The following PPP2R1A variants were observed in gnomAD, a reference collection of about 807,000 sequenced individuals.
PPP2R1A encodes the protein protein phosphatase 2 scaffold subunit Aalpha, also known as serine/threonine-protein phosphatase 2A 65 kDa regulatory subunit A alpha isoform.
PPP2R1A carries 15 observed loss-of-function variants against 67.1 expected under a neutral mutation model. The observed-to-expected ratio is 0.22, with a 90% CI of 0.15 to 0.34. The LOEUF (loss-of-function observed/expected upper bound fraction) is 0.34, where lower values mean the gene tolerates loss of function less well. Among genes scored for constraint, PPP2R1A ranks in the 10% least tolerant of loss-of-function variants. The pLI is 1.00. For synonymous variants in PPP2R1A, 337 were observed against 325.0 expected, an observed-to-expected ratio of 1.04 and a Z score of -0.40; for missense variants, 369 against 775.0, an observed-to-expected ratio of 0.48 and a Z score of 6.22.
rs1343324155 is a variant in PPP2R1A, at chr19:52,219,089, T to C, written c.1129-602T>C. ...TAAGTCTTTTTAAATGGGTGAGGTATAGTCTCTGAGCCTTCTCTTCTCATG... is the reference window on the plus strand; with the variant it reads ...TAAGTCTTTTTAAATGGGTGAGGTACAGTCTCTGAGCCTTCTCTTCTCATG... On this transcript the variant is annotated intron_variant, in intron 9 of 14. Transcript: ENST00000322088. This position sits in a 1 kb window ranked among gnomAD's most constrained non-coding sequence, Gnocchi z 4.0. Among the ~76,000 whole-genome samples the C allele has an allele frequency of 6.6e-6, 1 of 152,232 alleles. No individual in the cohort carries two copies. The highest frequency in any genetic ancestry group is 1.5e-5 in the Non-Finnish European group (1 of 68,042).
chr19:52,198,738 C>G (rs1309203307), intron 1 of PPP2R1A, among the ~76,000 whole-genome samples: 1 of 152,156 alleles, frequency 6.6e-6, no homozygotes, highest in African/African-American at 2.4e-5. Context: ...GAAATTGAGT[C>G]AGGCTGCCTG....
chr19:52,220,937 C>T, intron 11 of PPP2R1A, 42 bp from the exon 12 acceptor site: 11 of 1,608,136 alleles, frequency 6.8e-6, no homozygotes, highest in Non-Finnish European at 9.4e-6. Flanking sequence ...ATCAGTTCTT[C>T]ACCTCCAAAT....
At chr19:52,190,773 G>A (rs974293631) in intron 1 of PPP2R1A, among the ~76,000 whole-genome samples, 19 of 152,318 alleles carry the variant, frequency 1.2e-4, no homozygotes, top group Admixed American at 5.9e-4. Flanking sequence ...AGCGAATTAG[G>A]TTGTAGAAAC....
Position 52,212,400 on chromosome 19 carries a change from T to G in PPP2R1A, c.504-286T>G. On this transcript the variant is annotated intron_variant, in intron 4 of 14. Coordinates refer to ENST00000322088, the MANE Select transcript of PPP2R1A (RefSeq NM_014225.6). The surrounding 1 kb of genome is among the most constrained non-coding windows in gnomAD (Gnocchi z 4.1). ...GTGCCTGGCTCGTTGGTTAAGCAATTTTTATGGGAATGATGTAATCGTCAG... is the reference window on the plus strand; with the variant it reads ...GTGCCTGGCTCGTTGGTTAAGCAATGTTTATGGGAATGATGTAATCGTCAG... 2 of 416,002 alleles carry G rather than the reference T, an allele frequency of 4.8e-6. No individual in the cohort carries two copies. Among genetic ancestry groups the G allele is most frequent in the Non-Finnish European group, 8.7e-6 (2 of 229,966 alleles). The allele number at this position is 416,002 out of a possible 1,614,324, so 25.8% of individuals were successfully genotyped here.
chr19:52,198,431 G>T (rs1234069922), intron 1 of PPP2R1A, among the ~76,000 whole-genome samples: 4 of 152,140 alleles, frequency 2.6e-5, no homozygotes, highest in Admixed American at 2.6e-4. Context: ...CTTCAAGTTG[G>T]GGTTCCCACG....
In PPP2R1A at chr19:52,213,478, T is replaced by G. The variant is rs2089696533; in HGVS notation, c.807+368T>G. ...TGGTGTTTTTTTTTTTTTTTTTTTT[T>G]TTTTTTTTTAAGATGGAGTCTGTCG... On this transcript the variant is annotated intron_variant, in intron 6 of 14. Transcript: ENST00000322088. The surrounding 1 kb of genome is among the most constrained non-coding windows in gnomAD (Gnocchi z 4.2). Among the ~76,000 whole-genome samples, 2 of 100,514 alleles carry G rather than the reference T, an allele frequency of 2.0e-5. No individual in the cohort carries two copies. The highest frequency in any genetic ancestry group is 8.6e-5 in the Admixed American group (1 of 11,622). 65.9% of individuals were successfully genotyped at this position (100,514 alleles called of 152,430 possible).
chr19:52,201,889 C>CA (rs1257301896), intron 1 of PPP2R1A, 55 bp from the exon 2 acceptor site: 9 of 1,534,550 alleles, frequency 5.9e-6, no homozygotes, highest in Middle Eastern at 1.7e-4. Context: ...TGTCAGAACT[C>CA]ACGCGTGTCT....
At chr19:52,194,033 A>G (rs1277770121) in intron 1 of PPP2R1A, among the ~76,000 whole-genome samples, 1 of 149,156 alleles carries the variant, frequency 6.7e-6, no homozygotes, top group East Asian at 2.0e-4. Flanking sequence ...GGATTGCTTG[A>G]ACCAGGGAGA....
intron 6 of PPP2R1A, among the ~76,000 whole-genome samples, chr19:52,215,282 T>G (rs1203270101): frequency 6.6e-6 from 1 of 152,172 alleles, no homozygotes; most frequent in Non-Finnish European, 1.5e-5. Flanking sequence ...GGTCTTGTTC[T>G]CTGGGACTCA....
At chr19:52,214,478 G>C (rs567089363) in intron 6 of PPP2R1A, among the ~76,000 whole-genome samples, 12 of 152,284 alleles carry the variant, frequency 7.9e-5, no homozygotes, top group Admixed American at 4.6e-4. Context: ...AATTCCATGA[G>C]GGCAGGAATT....
chr19:52,195,366 A>C (rs561537636), intron 1 of PPP2R1A, among the ~76,000 whole-genome samples: 1 of 152,250 alleles, frequency 6.6e-6, no homozygotes, highest in South Asian at 2.1e-4. Flanking sequence ...AATCAACAAC[A>C]CAGAAGAAGA....
chr19:52,215,734 A>G lies in PPP2R1A; in HGVS notation c.808-45A>G, dbSNP rs755532. 1.3e-3 allele frequency: 2,031 copies of G among 1,547,558 alleles called. 24 individuals are homozygous for G. The African/African-American group carries it at 0.024, about 18-fold the overall frequency. On this transcript the variant is annotated intron_variant, in intron 6 of 14. Coordinates refer to ENST00000322088, the MANE Select transcript of PPP2R1A (RefSeq NM_014225.6). The stretch of plus-strand genomic sequence containing the variant: ...TTTTGGCTTCCTTAGCCCAGAGTAA[A>G]CTGCCAGCCCCTCTCACTCTCCCCC...
At chr19:52,193,575 C>G (rs1170628281) in intron 1 of PPP2R1A, among the ~76,000 whole-genome samples, 1 of 152,030 alleles carries the variant, frequency 6.6e-6, no homozygotes, top group Non-Finnish European at 1.5e-5. Context: ...AATTGTAACA[C>G]TTTGGTTTTA....
chr19:52,196,511 CCCT>C (rs1255058268), intron 1 of PPP2R1A, among the ~76,000 whole-genome samples: 1 of 152,188 alleles, frequency 6.6e-6, no homozygotes, highest in Non-Finnish European at 1.5e-5. Flanking sequence ...GAGGTTCTTT[CCCT>C]CCTCCCTTTT....
chr19:52,220,894 A>G (rs1978880006), intron 11 of PPP2R1A, 85 bp from the exon 12 acceptor site: 4 of 1,495,934 alleles, frequency 2.7e-6, no homozygotes, highest in Non-Finnish European at 3.7e-6. Flanking sequence ...CTGCTTTGTA[A>G]GCCATGGTGA....
chr19:52,209,955 C>T (rs2122325276), intron 3 of PPP2R1A, among the ~76,000 whole-genome samples: 1 of 152,336 alleles, frequency 6.6e-6, no homozygotes, highest in Non-Finnish European at 1.5e-5. Flanking sequence ...AGCACCTGCC[C>T]TCCCTGGGCT....
At position 52,220,995 on chromosome 19, in the gene PPP2R1A, G is replaced by A. The variant is rs1978889062; in HGVS notation, c.1380G>A (p.Glu460=). ...CTTCTGCAGTATATGCCATCCGCGA[G>A]GCAGCCACCAGCAACCTGAAGAAGC... ...WLVDHVYAIR[E]AATSNLKKLV... Residue 460 remains glutamate (E), a synonymous_variant, in exon 12 of 15, where the codon GAG becomes GAA. Coordinates refer to ENST00000322088, the MANE Select transcript of PPP2R1A (RefSeq NM_014225.6). The A allele has an allele frequency of 6.2e-7, 1 of 1,614,232 alleles. No individual in the cohort carries two copies. The highest frequency in any genetic ancestry group is 1.1e-5 in the South Asian group (1 of 91,088).
At chr19:52,218,024 A>T (rs1978688070) in intron 9 of PPP2R1A, among the ~76,000 whole-genome samples, 1 of 152,182 alleles carries the variant, frequency 6.6e-6, no homozygotes, top group Non-Finnish European at 1.5e-5. Flanking sequence ...CTGAGGCTAG[A>T]CTAAGTGGTA....
intron 12 of PPP2R1A, 141 bp from the exon 13 acceptor site, chr19:52,221,958 T>G: frequency 1.3e-6 from 1 of 752,532 alleles, no homozygotes; most frequent in Non-Finnish European, 2.1e-6. Context: ...GTTGGGAGAT[T>G]CACTCCACTA....
Sources: allele counts gnomAD v4.1 joint callset (sites outside exome capture counted in the v4.1 genomes callset), GRCh38; gene constraint gnomAD v4.1.1; non-coding constraint Gnocchi (gnomAD v3.1); transcripts MANE v1.5; gene names NCBI Gene and HGNC (gene_info 2026-07-23, HGNC 2026-07-21).